EIF4G3: variants seen among roughly 807,000 people sequenced by gnomAD.
The protein encoded by EIF4G3 is eIF-4-gamma 3.
In EIF4G3, 34 loss-of-function variants were observed where a neutral mutation model predicts 186.4. The observed-to-expected ratio is 0.18, with a 90% CI of 0.14 to 0.24. The LOEUF is 0.24. Ranked by LOEUF, EIF4G3 falls within the 10% of genes least tolerant of loss-of-function variation. EIF4G3 has a pLI of 1.00. For synonymous variants in EIF4G3, 673 were observed against 679.5 expected (o/e 0.99, Z 0.15); for missense variants, 1,536 against 1,948.5 (o/e 0.79, Z 3.99).
chr1:20,827,590 G>A, intron 32 of EIF4G3, 27 bp downstream of exon 32: 1 of 1,431,206 alleles, frequency 7.0e-7, no homozygotes, highest in Non-Finnish European at 9.8e-7. Flanking sequence ...TAATACTGTT[G>A]AGTCTGACAC....
intron 17 of EIF4G3, 109 bp from the exon 18 acceptor site, chr1:20,893,745 C>G: frequency 7.8e-7 from 1 of 1,289,190 alleles, no homozygotes; most frequent in Non-Finnish European, 1.0e-6. Flanking sequence ...ACGGTAAGCA[C>G]CAGCTTTGGA....
chr1:20,959,053 T>C (rs1558439543), intron 12 of EIF4G3, among the ~76,000 whole-genome samples: 1 of 151,824 alleles, frequency 6.6e-6, no homozygotes. Flanking sequence ...AATCCTAAAA[T>C]TCATATGGAA....
intron 14 of EIF4G3, among the ~76,000 whole-genome samples, chr1:20,933,476 G>T (rs1047370655): frequency 1.3e-5 from 2 of 152,132 alleles, no homozygotes; most frequent in African/African-American, 2.4e-5. Flanking sequence ...CAAACATGGT[G>T]AAATCCTGTC....
chr1:21,052,826 G>A (rs2094316275), intron 3 of EIF4G3, among the ~76,000 whole-genome samples: 2 of 152,206 alleles, frequency 1.3e-5, no homozygotes, highest in South Asian at 2.1e-4. Context: ...CGAGTGATCC[G>A]CCAGCCTCGG....
chr1:20,853,531 T>A, intron 27 of EIF4G3, 29 bp downstream of exon 27: 1 of 1,498,230 alleles, frequency 6.7e-7, no homozygotes, highest in African/African-American at 1.4e-5. Flanking sequence ...GGGCCAGCCT[T>A]GAGTAGACAT....
At chr1:20,877,405 A>C (rs4654726) in intron 20 of EIF4G3, among the ~76,000 whole-genome samples, 88,671 of 151,984 alleles carry the variant, frequency 0.58, 26,232 homozygotes, top group East Asian at 0.83. Context: ...TCACCCTGAG[A>C]AGTTATTTTT....
At chr1:21,002,031 A>C (rs2083643484) in intron 5 of EIF4G3, among the ~76,000 whole-genome samples, 1 of 152,220 alleles carries the variant, frequency 6.6e-6, no homozygotes, top group African/African-American at 2.4e-5. Flanking sequence ...CTAATCATGC[A>C]GGGCAGGAAA....
At chr1:21,140,992 AT>A (rs937006756) in intron 2 of EIF4G3, among the ~76,000 whole-genome samples, 15 of 152,338 alleles carry the variant, frequency 9.8e-5, no homozygotes, top group African/African-American at 3.4e-4. Flanking sequence ...TAACATATAT[AT>A]TTTTTAAATG....
chr1:21,073,703 T>C (rs1309139336), intron 3 of EIF4G3: 3 of 506,000 alleles, frequency 5.9e-6, no homozygotes, highest in South Asian at 1.4e-5. Flanking sequence ...CAAGGGCTCA[T>C]GACAGCCTAG....
chr1:20,873,904 A>G (rs2079986437), intron 20 of EIF4G3, among the ~76,000 whole-genome samples: 1 of 151,946 alleles, frequency 6.6e-6, no homozygotes. Context: ...TGTGTTCTCA[A>G]TGTGAAACTA....
At chr1:21,024,048 G>T (rs1165836444) in intron 4 of EIF4G3, among the ~76,000 whole-genome samples, 1 of 150,452 alleles carries the variant, frequency 6.6e-6, no homozygotes, top group Admixed American at 6.6e-5. Context: ...GAAGTGAGGA[G>T]ACCCTCCGCC....
chr1:20,926,680 G>GAAAAAAA (rs376198678), intron 14 of EIF4G3, among the ~76,000 whole-genome samples: 6 of 124,344 alleles, frequency 4.8e-5, no homozygotes, highest in Admixed American at 8.2e-5. Context: ...AAAAAGAAAA[G>GAAAAAAA]AAAAAAAAAA....
At chr1:20,882,064 G>A (rs943666724) in intron 19 of EIF4G3, among the ~76,000 whole-genome samples, 1 of 151,992 alleles carries the variant, frequency 6.6e-6, no homozygotes, top group Non-Finnish European at 1.5e-5. Context: ...TTGTGGGGCT[G>A]AGGCAGGAAG....
intron 18 of EIF4G3, among the ~76,000 whole-genome samples, chr1:20,889,565 C>T (rs745925390): frequency 6.6e-6 from 1 of 151,734 alleles, no homozygotes; most frequent in Non-Finnish European, 1.5e-5. Context: ...GGCACGATCT[C>T]GGCTCACTAT....
chr1:21,138,800 G>A (rs550949683), intron 2 of EIF4G3, among the ~76,000 whole-genome samples: 1 of 152,102 alleles, frequency 6.6e-6, no homozygotes, highest in South Asian at 2.1e-4. Flanking sequence ...AACAGAGCAA[G>A]ACTGTTTCAA....
chr1:20,833,310 T>C (rs2065835801), intron 30 of EIF4G3, among the ~76,000 whole-genome samples: 1 of 152,122 alleles, frequency 6.6e-6, no homozygotes, highest in African/African-American at 2.4e-5. Context: ...GTAGTTCTCC[T>C]TGAAGAGGTC....
chr1:21,021,500 A>G (rs1291802566), intron 4 of EIF4G3, among the ~76,000 whole-genome samples: 1 of 152,150 alleles, frequency 6.6e-6, no homozygotes, highest in African/African-American at 2.4e-5. Context: ...CAAGCATGTA[A>G]CAGGTATACA....
intron 20 of EIF4G3, among the ~76,000 whole-genome samples, chr1:20,866,081 A>G (rs2077500036): frequency 6.6e-6 from 1 of 152,224 alleles, no homozygotes; most frequent in Non-Finnish European, 1.5e-5. Flanking sequence ...CTATTTCATA[A>G]TATGATACAA....
At chr1:20,948,970 C>CAAAAAAA (rs34585901) in intron 13 of EIF4G3, among the ~76,000 whole-genome samples, 1 of 51,518 alleles carries the variant, frequency 1.9e-5, no homozygotes, top group Non-Finnish European at 4.1e-5. Context: ...GACTCTGTCT[C>CAAAAAAA]AAAAAAAAAA....
Sources: gnomAD v4.1 joint callset for allele counts (sites outside exome capture counted in the v4.1 genomes callset) on GRCh38, gnomAD v4.1.1 for gene constraint, MANE v1.5 for transcripts, NCBI Gene and HGNC (gene_info 2026-07-23, HGNC 2026-07-21) for gene names.